SLC10A7: variants seen among roughly 807,000 people sequenced by gnomAD.
The protein encoded by SLC10A7 is solute carrier family 10 member 7.
A neutral mutation model predicts 43.2 loss-of-function variants in SLC10A7; 29 were observed. The ratio of observed to expected loss-of-function variants is 0.67; its 90% CI spans 0.50 to 0.92. The LOEUF (loss-of-function observed/expected upper bound fraction) is 0.92, where lower values mean the gene tolerates loss of function less well. Ranked by LOEUF, SLC10A7 falls within the 40% of genes least tolerant of loss-of-function variation. The pLI is 0.00. For missense variants in SLC10A7, 295 were observed against 403.2 expected (o/e 0.73, Z 2.30); for synonymous variants, 152 against 144.8 (o/e 1.05, Z -0.35).
chr4:146,351,580 T>C (rs1273969530), intron 5 of SLC10A7, among the ~76,000 whole-genome samples: 2 of 151,564 alleles, frequency 1.3e-5, no homozygotes, highest in South Asian at 2.1e-4. Flanking sequence ...AGACACATAA[T>C]TGTCAGATTC....
chr4:146,506,753 G>A (rs78485854), intron 3 of SLC10A7, among the ~76,000 whole-genome samples: 1 of 150,188 alleles, frequency 6.7e-6, no homozygotes, highest in African/African-American at 2.4e-5. Context: ...TGTTTGTTTG[G>A]TTTTTTTTTG....
intron 5 of SLC10A7, among the ~76,000 whole-genome samples, chr4:146,400,698 C>T (rs958854040): frequency 1.3e-5 from 2 of 151,794 alleles, no homozygotes; most frequent in African/African-American, 4.8e-5. Context: ...TTTTTTGGTT[C>T]CAAGGAACCA....
chr4:146,258,583 C>T (rs1237731403), intron 11 of SLC10A7, 109 bp downstream of exon 11: 3 of 1,039,356 alleles, frequency 2.9e-6, no homozygotes, highest in Non-Finnish European at 4.1e-6. Flanking sequence ...AAAATATGTA[C>T]TTGAAAACAA....
chr4:146,518,157 T>C (rs1172003601), intron 1 of SLC10A7, among the ~76,000 whole-genome samples: 2 of 152,184 alleles, frequency 1.3e-5, no homozygotes, highest in African/African-American at 4.8e-5. Context: ...TTGTGACATG[T>C]ACACAATTGG....
chr4:146,392,110 T>C (rs950379565), intron 5 of SLC10A7, among the ~76,000 whole-genome samples: 2 of 152,210 alleles, frequency 1.3e-5, no homozygotes, highest in African/African-American at 2.4e-5. Context: ...GTATGATCTA[T>C]TCTTGTATAT....
At position 146,402,376 on chromosome 4, in the gene SLC10A7, C is replaced by T. The variant is rs377413967; in HGVS notation, c.435+40407G>A. On this transcript the variant is annotated intron_variant, in intron 5 of 11. Coordinates refer to ENST00000335472, the MANE Select transcript of SLC10A7 (RefSeq NM_001029998.6). ...AGTCAGGCTCCCATTACCCTTATTT[C>T]CTCATACCTCCTGCATGTAACCAAT... is the stretch of plus-strand genomic sequence containing the variant. Among the ~76,000 whole-genome samples the T allele has an allele frequency of 7.6e-4, 115 of 152,210 alleles. 1 individual carries two copies. In the South Asian group the frequency reaches 0.013, roughly 17 times the overall value.
intron 4 of SLC10A7, 22 bp from the exon 5 acceptor site, chr4:146,442,843 G>A: frequency 2.0e-6 from 3 of 1,477,104 alleles, no homozygotes; most frequent in Non-Finnish European, 2.8e-6. Flanking sequence ...ATAAATAGGG[G>A]AAAAAAACTC....
In SLC10A7 at chr4:146,519,066, CATATATATATATATATAT is replaced by C. The variant is rs869090267; in HGVS notation, c.101-1964_101-1947del. On this transcript the variant is annotated intron_variant, in intron 1 of 11. Coordinates refer to ENST00000335472, the MANE Select transcript of SLC10A7 (RefSeq NM_001029998.6). ...GAAGACCAAGCTCAGGAAAAATCACCATATATATATATATATATATATATATATATATATATATATATA... is the reference window on the plus strand; with the variant it reads ...GAAGACCAAGCTCAGGAAAAATCACCATATATATATATATATATATATATA... 2.5e-3 allele frequency among the ~76,000 whole-genome samples: 15 copies of C among 5,982 alleles called. 1 individual carries two copies. The South Asian group carries it at 0.036, about 14-fold the overall frequency. 3.9% of individuals were successfully genotyped at this position (5,982 alleles called of 152,430 possible). A position where few individuals can be genotyped will look rare whatever the true frequency, so the allele number is the denominator to read the frequency against.
intron 4 of SLC10A7, among the ~76,000 whole-genome samples, chr4:146,494,750 T>C (rs1460765760): frequency 6.6e-6 from 1 of 152,102 alleles, no homozygotes; most frequent in Non-Finnish European, 1.5e-5. Flanking sequence ...GTATCAGTCA[T>C]GGAGGATATG....
At chr4:146,287,219 G>A (rs989009301) in intron 9 of SLC10A7, among the ~76,000 whole-genome samples, 32 of 152,000 alleles carry the variant, frequency 2.1e-4, no homozygotes, top group Admixed American at 1.3e-4. Context: ...CTGGTGAGAA[G>A]GACCGTCTTT....
intron 4 of SLC10A7, among the ~76,000 whole-genome samples, chr4:146,452,963 T>C (rs1363572972): frequency 6.6e-6 from 1 of 151,830 alleles, no homozygotes; most frequent in Non-Finnish European, 1.5e-5. Flanking sequence ...TTTTAAAATA[T>C]TACAGGAATT....
chr4:146,320,500 T>C (rs756345700), intron 6 of SLC10A7, among the ~76,000 whole-genome samples: 10 of 152,076 alleles, frequency 6.6e-5, no homozygotes, highest in Admixed American at 2.6e-4. Context: ...AATCATAAGA[T>C]AGGAGCTGTT....
At chr4:146,459,630 A>G (rs1436424766) in intron 4 of SLC10A7, among the ~76,000 whole-genome samples, 1 of 150,980 alleles carries the variant, frequency 6.6e-6, no homozygotes, top group Non-Finnish European at 1.5e-5. Context: ...AAAAAAAACG[A>G]AAAACTCTGA....
At chr4:146,376,092 A>G (rs1737178483) in intron 5 of SLC10A7, among the ~76,000 whole-genome samples, 1 of 152,178 alleles carries the variant, frequency 6.6e-6, no homozygotes, top group Non-Finnish European at 1.5e-5. Flanking sequence ...GAAGAGATGC[A>G]TAGAGTGGTG....
intron 4 of SLC10A7, among the ~76,000 whole-genome samples, chr4:146,501,872 C>T (rs1736447803): frequency 1.3e-5 from 2 of 152,194 alleles, no homozygotes; most frequent in Non-Finnish European, 2.9e-5. Context: ...TCAGCATATC[C>T]TGTACCTTCA....
chr4:146,379,087 T>C (rs1363339622), intron 5 of SLC10A7, among the ~76,000 whole-genome samples: 1 of 152,202 alleles, frequency 6.6e-6, no homozygotes, highest in Non-Finnish European at 1.5e-5. Flanking sequence ...CCACTTCCTG[T>C]GGAGAGTGTC....
chr4:146,469,419 C>G (rs1229873397), intron 4 of SLC10A7, among the ~76,000 whole-genome samples: 1 of 152,146 alleles, frequency 6.6e-6, no homozygotes, highest in Non-Finnish European at 1.5e-5. Context: ...TAAGAGAAAA[C>G]AAAGGACACT....
Position 146,302,882 on chromosome 4 carries a change from T to TA in SLC10A7, c.555+3043dup, listed in dbSNP as rs75799417. On this transcript the variant is annotated intron_variant, in intron 7 of 11. Coordinates refer to ENST00000335472, the MANE Select transcript of SLC10A7 (RefSeq NM_001029998.6). ...TTAGTCCCTTTTCTAAGTATAAAAT[T>TA]AAAAAAAATTAGTACATGTGTTGTG... 1.3e-3 allele frequency among the ~76,000 whole-genome samples: 195 copies of TA among 152,172 alleles called. 1 individual carries two copies. In the East Asian group the frequency reaches 0.021, roughly 16 times the overall value.
chr4:146,426,039 A>G (rs1459030104), intron 5 of SLC10A7, among the ~76,000 whole-genome samples: 2 of 152,202 alleles, frequency 1.3e-5, no homozygotes, highest in Non-Finnish European at 2.9e-5. Flanking sequence ...TCCATTCACA[A>G]TTAGTAAATT....
Sources: allele counts gnomAD v4.1 joint callset (sites outside exome capture counted in the v4.1 genomes callset), GRCh38; gene constraint gnomAD v4.1.1; transcripts MANE v1.5; gene names NCBI Gene and HGNC (gene_info 2026-07-23, HGNC 2026-07-21).